MTOR: variants seen among roughly 807,000 people sequenced by gnomAD.
The protein encoded by MTOR is serine/threonine-protein kinase mTOR.
Under a neutral mutation model 319.8 loss-of-function variants are expected in MTOR, and 70 were observed. That is an observed-to-expected ratio of 0.22 (90% CI 0.18 to 0.27). MTOR has a LOEUF of 0.27. Ranked by LOEUF, MTOR falls within the 10% of genes least tolerant of loss-of-function variation. The pLI is 1.00. For synonymous variants in MTOR, 1,183 were observed against 1,211.4 expected (o/e 0.98, Z 0.49); for missense variants, 1,890 against 3,274.4 (o/e 0.58, Z 10.32).
In MTOR at chr1:11,200,843, G is replaced by A. The variant is rs192102287; in HGVS notation, c.3945-1140C>T. Reference sequence around the variant, plus strand: ...ATCCTGGCTAACATGGTGAAACCCCGTCTCTACTAAAAATACAAAAAATTA... The same window carrying A: ...ATCCTGGCTAACATGGTGAAACCCCATCTCTACTAAAAATACAAAAAATTA... On this transcript the variant is annotated intron_variant, in intron 26 of 57. Transcript: ENST00000361445. Among the ~76,000 whole-genome samples the A allele has an allele frequency of 8.0e-3, 1,208 of 151,790 alleles. 19 individuals carry two copies. Among genetic ancestry groups the A allele is most frequent in the African/African-American group, 0.027 (1,115 of 41,388 alleles).
At chr1:11,139,116 C>T in intron 36 of MTOR, 188 bp downstream of exon 36, 1 of 693,432 alleles carries the variant, frequency 1.4e-6, no homozygotes, top group Non-Finnish European at 2.4e-6. Context: ...GTATACACAC[C>T]ATCTCCTCAA....
Position 11,199,182 on chromosome 1 carries a change from T to C in MTOR, c.4253+76A>G. 6.3e-7 allele frequency: 1 copy of C among 1,589,676 alleles called. No individual in the cohort carries two copies. The highest frequency in any genetic ancestry group is 8.6e-7 in the Non-Finnish European group (1 of 1,159,628). ...AGCAGAAGTCTTCAAGTGACTCCAG[T>C]GAAGTGGCACCAGGCAGTGGGAGAA... On this transcript the variant is annotated intron_variant, in intron 28 of 57. Transcript: ENST00000361445. This position sits in a 1 kb window ranked among gnomAD's most constrained non-coding sequence, Gnocchi z 4.5.
chr1:11,124,453 C>A (rs999129118), intron 47 of MTOR, 45 bp downstream of exon 47: 2 of 1,585,646 alleles, frequency 1.3e-6, no homozygotes, highest in African/African-American at 1.3e-5. Flanking sequence ...TAGGAAAAAA[C>A]CAGAAGACTT....
At chr1:11,112,519 C>T (rs1254944558) in intron 54 of MTOR, among the ~76,000 whole-genome samples, 1 of 152,186 alleles carries the variant, frequency 6.6e-6, no homozygotes, top group Non-Finnish European at 1.5e-5. Flanking sequence ...AGTAATAGCA[C>T]CTTTGCAAAA....
At chr1:11,210,713 T>C in intron 24 of MTOR, 101 bp downstream of exon 24, 1 of 933,936 alleles carries the variant, frequency 1.1e-6, no homozygotes. Flanking sequence ...AATCCCTAAT[T>C]TACAGCCAAA....
At chr1:11,222,266 G>A (rs1048128524) in intron 19 of MTOR, among the ~76,000 whole-genome samples, 3 of 151,048 alleles carry the variant, frequency 2.0e-5, no homozygotes, top group Admixed American at 1.3e-4. Flanking sequence ...GCCCAATCTC[G>A]GCTCACTGCA....
Position 11,257,060 on chromosome 1 carries a change from G to A in MTOR, c.377C>T (p.Ala126Val). The A allele has an allele frequency of 6.2e-7, 1 of 1,614,194 alleles. No individual in the cohort carries two copies. The highest frequency in any genetic ancestry group is 8.5e-7 in the Non-Finnish European group (1 of 1,180,038). The stretch of plus-strand genomic sequence containing the variant: ...GGCAAGACGGCCAATGGCCTTGGAT[G>A]CCATTTCCATGACAACTGGGTCATT... ...PSNDPVVMEM[A>V]SKAIGRLAMA... Residue 126 changes from alanine (A) to valine (V), a missense_variant, in exon 4 of 58, where the codon GCA becomes GTA. Coordinates refer to ENST00000361445, the MANE Select transcript of MTOR (RefSeq NM_004958.4).
chr1:11,183,832 T>C (rs1338272832), intron 28 of MTOR, among the ~76,000 whole-genome samples: 1 of 152,216 alleles, frequency 6.6e-6, no homozygotes, highest in Non-Finnish European at 1.5e-5. Flanking sequence ...AAAAAAAATT[T>C]TCTTCCCCCA....
chr1:11,126,932 G>A, intron 45 of MTOR, 78 bp downstream of exon 45: 3 of 1,583,720 alleles, frequency 1.9e-6, no homozygotes, highest in Non-Finnish European at 2.6e-6. Flanking sequence ...TTTGGAATGA[G>A]TGTTAGAACA....
At position 11,115,601 on chromosome 1, in the gene MTOR, C is replaced by A; in HGVS notation, c.7017-133G>T. On this transcript the variant is annotated intron_variant, in intron 50 of 57. Transcript: ENST00000361445. The surrounding 1 kb of genome is among the most constrained non-coding windows in gnomAD (Gnocchi z 4.5). ...AGCCAATCCAGCCCCTCCACCTCCA[C>A]TTCTGCAAGTCCAGTTTTACTGGAA... The A allele has an allele frequency of 1.3e-6, 1 of 748,756 alleles. No individual in the cohort carries two copies. The highest frequency in any genetic ancestry group is 2.3e-6 in the Non-Finnish European group (1 of 428,942). 46.4% of individuals were successfully genotyped at this position (748,756 alleles called of 1,614,324 possible). A position where few individuals can be genotyped will look rare whatever the true frequency, so the allele number is the denominator to read the frequency against.
rs144848295 is a variant in MTOR at position 11,194,403 on chromosome 1, G to C, written c.4253+4855C>G. ...GGACTGTCAGGAGAGAAGGGGTATA[G>C]AGACAGCATGAAATGGAGCCTGCTG... On this transcript the variant is annotated intron_variant, in intron 28 of 57. Coordinates refer to ENST00000361445, the MANE Select transcript of MTOR (RefSeq NM_004958.4). The C allele has an allele frequency of 3.7e-4, 564 of 1,537,144 alleles. No homozygotes were observed. In the African/African-American group the frequency reaches 7.0e-3, roughly 19 times the overall value.
At chr1:11,194,392 G>T in intron 28 of MTOR, 1 of 1,451,442 alleles carries the variant, frequency 6.9e-7, no homozygotes. Context: ...TGTCAGGAGA[G>T]AAGGGGTATA....
chr1:11,114,271 A>G (rs192929708), intron 53 of MTOR, 47 bp downstream of exon 53: 1 of 1,605,594 alleles, frequency 6.2e-7, no homozygotes, highest in Non-Finnish European at 8.5e-7. Context: ...TTAGGATTAC[A>G]GGTGTGAGCC....
rs2100974779 is a variant in MTOR, at chr1:11,256,023, G to A, written c.674C>T (p.Pro225Leu). 2.5e-6 allele frequency: 4 copies of A among 1,614,048 alleles called. No homozygotes were observed. The highest frequency in any genetic ancestry group is 3.4e-6 in the Non-Finnish European group (4 of 1,180,018). The change falls in exon 5 of 58, where the codon CCG becomes CTG. Residue 225 changes from proline to leucine, a missense_variant. Physicochemically the swap from Pro to Leu is moderately conservative, Grantham distance 98. Transcript: ENST00000361445. Reference protein sequence around the residue: ...ACLILTTQREPKEMQKPQWYR... With the variant: ...ACLILTTQRELKEMQKPQWYR... ...CCACTGAGGCTTCTGCATCTCCTTC[G>A]GCTCACGCTGGGTTGTGAGAATCAG...
chr1:11,180,097 G>T (rs1645100700), intron 28 of MTOR, among the ~76,000 whole-genome samples: 1 of 152,146 alleles, frequency 6.6e-6, no homozygotes. Flanking sequence ...CAGAGACAAG[G>T]TCTTGCTATG....
intron 6 of MTOR, among the ~76,000 whole-genome samples, chr1:11,251,005 T>A (rs1237708669): frequency 6.6e-6 from 1 of 152,210 alleles, no homozygotes; most frequent in Non-Finnish European, 1.5e-5. Flanking sequence ...AATTCCCTCC[T>A]AACTGGATTC....
At chr1:11,148,912 A>ACG (rs1191191579) in intron 31 of MTOR, among the ~76,000 whole-genome samples, 4 of 113,302 alleles carry the variant, frequency 3.5e-5, no homozygotes, top group Middle Eastern at 4.2e-3. Flanking sequence ...AAAAAAAATT[A>ACG]TGTGTGTGTG....
intron 28 of MTOR, among the ~76,000 whole-genome samples, chr1:11,174,463 G>A (rs1057448811): frequency 6.6e-6 from 1 of 151,914 alleles, no homozygotes; most frequent in African/African-American, 2.4e-5. Context: ...AGCCTTCCAC[G>A]TGACAAGTCA....
chr1:11,176,257 T>C (rs893247408), intron 28 of MTOR, among the ~76,000 whole-genome samples: 34 of 152,208 alleles, frequency 2.2e-4, no homozygotes, highest in African/African-American at 7.5e-4. Flanking sequence ...TAACTTGACA[T>C]GGCAGTGCCT....
Sources: allele counts gnomAD v4.1 joint callset (sites outside exome capture counted in the v4.1 genomes callset), GRCh38; gene constraint gnomAD v4.1.1; non-coding constraint Gnocchi (gnomAD v3.1); transcripts MANE v1.5; gene names NCBI Gene and HGNC (gene_info 2026-07-23, HGNC 2026-07-21).